RBPJ: variants seen among roughly 807,000 people sequenced by gnomAD.
The protein encoded by RBPJ is recombination signal binding protein for immunoglobulin kappa J region.
In RBPJ, 9 loss-of-function variants were observed where a neutral mutation model predicts 67.8. The ratio of observed to expected loss-of-function variants is 0.13; its 90% CI spans 0.08 to 0.23. The LOEUF is 0.23. Among genes scored for constraint, RBPJ ranks in the 10% least tolerant of loss-of-function variants. RBPJ has a pLI of 1.00. For synonymous variants in RBPJ, 198 were observed against 203.3 expected, an observed-to-expected ratio of 0.97 and a Z score of 0.22; for missense variants, 305 against 595.6, an observed-to-expected ratio of 0.51 and a Z score of 5.08.
rs926861039 is a variant in RBPJ at position 26,431,568 on chromosome 4, C to G, written c.*561C>G. Reference sequence around the variant, plus strand: ...GACCATCCTTGTTTAATCTATCATACTCTTCCAGGTTTTTTTTTTTTGGTC... The same window carrying G: ...GACCATCCTTGTTTAATCTATCATAGTCTTCCAGGTTTTTTTTTTTTGGTC... On this transcript the variant is annotated 3_prime_UTR_variant, in exon 11 of 11. Transcript: ENST00000355476. 3 of 151,952 alleles carry G rather than the reference C, an allele frequency of 2.0e-5. No homozygotes were observed. The East Asian group carries it at 5.8e-4, about 29-fold the overall frequency. The allele number at this position is 151,952 out of a possible 1,614,324, so 9.4% of individuals were successfully genotyped here.
At chr4:26,395,735 C>T (rs1732055339) in intron 2 of RBPJ, among the ~76,000 whole-genome samples, 1 of 152,132 alleles carries the variant, frequency 6.6e-6, no homozygotes, top group Admixed American at 6.5e-5. Flanking sequence ...CCCAATAAAC[C>T]TCTTTCTAAA....
chr4:26,148,917 T>A, the RBPJ span, among the ~76,000 whole-genome samples: 2 of 152,194 alleles, frequency 1.3e-5, no homozygotes, highest in South Asian at 4.1e-4. Flanking sequence ...ACCTTTCCCC[T>A]GAGAAATTTA....
chr4:26,379,574 C>G (rs1271250253), intron 1 of RBPJ, among the ~76,000 whole-genome samples: 1 of 152,220 alleles, frequency 6.6e-6, no homozygotes. Flanking sequence ...ATCATCAGAT[C>G]TCATGAGAAC....
At chr4:26,346,698 G>A (rs1414488204) in intron 1 of RBPJ, among the ~76,000 whole-genome samples, 1 of 152,134 alleles carries the variant, frequency 6.6e-6, no homozygotes, top group Admixed American at 6.6e-5. Context: ...TCTAAAAACA[G>A]GCTGTATTGG....
chr4:26,210,700 T>TTTCCTTCTTTCCTTCTTTCCTTCTTTCC (rs1553849153), intron 1 of RBPJ, among the ~76,000 whole-genome samples: 1 of 59,850 alleles, frequency 1.7e-5, no homozygotes. Flanking sequence ...TCTTTCTTTC[T>TTTCCTTCTTTCCTTCTTTCCTTCTTTCC]TTCTTTCCTT....
chr4:26,144,254 G>T, the RBPJ span, among the ~76,000 whole-genome samples: 1 of 144,830 alleles, frequency 6.9e-6, no homozygotes, highest in Non-Finnish European at 1.5e-5. Context: ...GCATAAGAGG[G>T]AGTAAGAAAA....
Position 26,434,096 on chromosome 4 carries a change from T to C in RBPJ, c.*3089T>C, listed in dbSNP as rs1395317630. Reference sequence around the variant, plus strand: ...AGCTAAAAGCCTTAAAAATGCCCTTTATATTTTGAGTGATTTCAGCGTTGA... The same window carrying C: ...AGCTAAAAGCCTTAAAAATGCCCTTCATATTTTGAGTGATTTCAGCGTTGA... On this transcript the variant is annotated 3_prime_UTR_variant, in exon 11 of 11. Coordinates refer to ENST00000355476, the MANE Select transcript of RBPJ (RefSeq NM_015874.6). 1 of 152,230 alleles carries C rather than the reference T, an allele frequency of 6.6e-6. No individual in the cohort carries two copies. The highest frequency in any genetic ancestry group is 1.5e-5 in the Non-Finnish European group (1 of 68,030). The allele number at this position is 152,230 out of a possible 1,614,324, so 9.4% of individuals were successfully genotyped here. A position where few individuals can be genotyped will look rare whatever the true frequency, so the allele number is the denominator to read the frequency against.
the RBPJ span, among the ~76,000 whole-genome samples, chr4:26,117,005 T>C: frequency 9.2e-5 from 14 of 152,328 alleles, no homozygotes; most frequent in Non-Finnish European, 2.9e-5. Context: ...CTGAGAAAAC[T>C]GACTTTTCAC....
the RBPJ span, among the ~76,000 whole-genome samples, chr4:26,140,846 T>TAAATAAATAA: frequency 6.6e-6 from 1 of 150,406 alleles, no homozygotes; most frequent in African/African-American, 2.4e-5. Flanking sequence ...AATAAATAAA[T>TAAATAAATAA]AAATAAATAA....
chr4:26,243,471 G>A (rs1719718558), intron 1 of RBPJ, among the ~76,000 whole-genome samples: 4 of 152,138 alleles, frequency 2.6e-5, no homozygotes, highest in Non-Finnish European at 5.9e-5. Flanking sequence ...AGTATTTCTG[G>A]ACTTTTGAGT....
intron 1 of RBPJ, among the ~76,000 whole-genome samples, chr4:26,263,869 C>CTT (rs1157940678): frequency 2.1e-4 from 28 of 131,708 alleles, no homozygotes; most frequent in African/African-American, 7.4e-4. Flanking sequence ...AGCACCCAGT[C>CTT]TTTTTTTTTT....
chr4:26,166,094 C>T (rs961814279), intron 1 of RBPJ, among the ~76,000 whole-genome samples: 2 of 148,470 alleles, frequency 1.3e-5, no homozygotes, highest in African/African-American at 5.0e-5. Context: ...ATATGTGCCA[C>T]ATTTTCTTAA....
the RBPJ span, among the ~76,000 whole-genome samples, chr4:26,147,060 C>T: frequency 6.6e-6 from 1 of 152,186 alleles, no homozygotes; most frequent in Admixed American, 6.5e-5. Flanking sequence ...TCCTGGAGGG[C>T]TTTCTGAGCC....
At chr4:26,379,008 G>A (rs1295647237) in intron 1 of RBPJ, among the ~76,000 whole-genome samples, 3 of 151,990 alleles carry the variant, frequency 2.0e-5, no homozygotes, top group South Asian at 2.1e-4. Flanking sequence ...CATGGGCGAC[G>A]GAGTGAGACT....
At chr4:26,379,292 G>A (rs910097781) in intron 1 of RBPJ, among the ~76,000 whole-genome samples, 4 of 151,796 alleles carry the variant, frequency 2.6e-5, no homozygotes, top group East Asian at 1.9e-4. Flanking sequence ...CAATCCTCCC[G>A]CCTCTCAAGC....
At chr4:26,389,141 A>G (rs1731233073) in intron 2 of RBPJ, among the ~76,000 whole-genome samples, 1 of 151,924 alleles carries the variant, frequency 6.6e-6, no homozygotes, top group Non-Finnish European at 1.5e-5. Context: ...AGATGGGAGG[A>G]TCACTTGAGC....
chr4:26,402,157 G>A (rs536302751), intron 2 of RBPJ, among the ~76,000 whole-genome samples: 1 of 152,166 alleles, frequency 6.6e-6, no homozygotes, highest in Non-Finnish European at 1.5e-5. Context: ...CAAAGTACTG[G>A]GATTACAGCC....
At chr4:26,342,646 G>A (rs1040798777) in intron 1 of RBPJ, among the ~76,000 whole-genome samples, 24 of 152,204 alleles carry the variant, frequency 1.6e-4, no homozygotes, top group Non-Finnish European at 2.2e-4. Flanking sequence ...GGAGAGTAAA[G>A]TTGAACAGGG....
intron 1 of RBPJ, among the ~76,000 whole-genome samples, chr4:26,209,888 T>C (rs1718324174): frequency 6.7e-6 from 1 of 150,130 alleles, no homozygotes; most frequent in South Asian, 2.1e-4. Context: ...TTCCTTGCTT[T>C]TTCTTTTCCC....
Sources: allele counts gnomAD v4.1 joint callset (sites outside exome capture counted in the v4.1 genomes callset), GRCh38; gene constraint gnomAD v4.1.1; transcripts MANE v1.5; gene names NCBI Gene and HGNC (gene_info 2026-07-23, HGNC 2026-07-21).